ZC3H14: variants seen among roughly 807,000 people sequenced by gnomAD.
The protein encoded by ZC3H14 is zinc finger CCCH-type containing 14.
Under a neutral mutation model 92.4 loss-of-function variants are expected in ZC3H14, and 31 were observed. The observed-to-expected ratio is 0.34, with a 90% CI of 0.25 to 0.45. The LOEUF is 0.45. Among genes scored for constraint, ZC3H14 ranks in the 20% least tolerant of loss-of-function variants. ZC3H14 has a pLI of 1.00. For synonymous variants in ZC3H14, 321 were observed against 300.9 expected (o/e 1.07, Z -0.69); for missense variants, 781 against 897.3 (o/e 0.87, Z 1.66).
chr14:88,588,021 C>CTA lies in ZC3H14; in HGVS notation c.1280-8712_1280-8711dup, dbSNP rs141307218. ...TTGTACAGTTTTGTGTGGGAACTCT[C>CTA]TAGAGTTTTTTTAATTTTTCCCCCT... On this transcript the variant is annotated intron_variant, in intron 9 of 16. Transcript: ENST00000251038. Among the ~76,000 whole-genome samples the CTA allele has an allele frequency of 1.2e-3, 189 of 152,238 alleles. 1 individual carries two copies. The highest frequency in any genetic ancestry group is 3.9e-3 in the African/African-American group (160 of 41,550).
chr14:88,595,156 T>C (rs1425254637), intron 9 of ZC3H14: 1 of 1,597,756 alleles, frequency 6.3e-7, no homozygotes, highest in Non-Finnish European at 8.5e-7. Flanking sequence ...CATCCTTTGA[T>C]CTGTATCTTT....
chr14:88,563,292 G>C lies in ZC3H14; in HGVS notation c.36+123G>C, dbSNP rs1051183199. Reference sequence around the variant, plus strand: ...CTGGCCTCCGCTGGACGCTCCTGGCGGGCTGCGGCTCCTCCTCGTCCAGGC... The same window carrying C: ...CTGGCCTCCGCTGGACGCTCCTGGCCGGCTGCGGCTCCTCCTCGTCCAGGC... On this transcript the variant is annotated intron_variant, in intron 1 of 16. Coordinates refer to ENST00000251038, the MANE Select transcript of ZC3H14 (RefSeq NM_024824.5). 16 of 1,531,616 alleles carry C rather than the reference G, an allele frequency of 1.0e-5. No individual in the cohort carries two copies. In the Admixed American group the frequency reaches 1.6e-4, roughly 15 times the overall value. The allele number at this position is 1,531,616 out of a possible 1,614,324, so 94.9% of individuals were successfully genotyped here.
Position 88,615,751 on chromosome 14 carries a change from G to A in ZC3H14, c.*4000G>A. 1 of 1,499,802 alleles carries A rather than the reference G, an allele frequency of 6.7e-7. No homozygotes were observed. Among genetic ancestry groups the A allele is most frequent in the Non-Finnish European group, 9.1e-7 (1 of 1,095,908 alleles). 92.9% of individuals were successfully genotyped at this position (1,499,802 alleles called of 1,614,324 possible). ...TAGCACCACTTGACCATGCAGGGTTGGGTTTTGGTTTTTCTTCTCTGTAAT... is the reference window on the plus strand; with the variant it reads ...TAGCACCACTTGACCATGCAGGGTTAGGTTTTGGTTTTTCTTCTCTGTAAT... On this transcript the variant is annotated 3_prime_UTR_variant, in exon 17 of 17. Transcript: ENST00000251038.
chr14:88,621,233 A>G lies in ZC3H14; in HGVS notation c.*9482A>G. The G allele has an allele frequency of 6.2e-7, 1 of 1,613,958 alleles. No homozygotes were observed. The highest frequency in any genetic ancestry group is 8.5e-7 in the Non-Finnish European group (1 of 1,179,878). On this transcript the variant is annotated 3_prime_UTR_variant, in exon 17 of 17. Coordinates refer to ENST00000251038, the MANE Select transcript of ZC3H14 (RefSeq NM_024824.5). ...CATCCACATGACCGTTAACTAAAAT[A>G]TTACAAGCTGCATTTTTCTCTCCAA... is the stretch of plus-strand genomic sequence containing the variant.
At chr14:88,583,549 G>T (rs1198643059) in intron 9 of ZC3H14, among the ~76,000 whole-genome samples, 1 of 152,068 alleles carries the variant, frequency 6.6e-6, no homozygotes, top group African/African-American at 2.4e-5. Flanking sequence ...TTATCAGAGT[G>T]TCTTTAATTT....
rs2089938812 is a variant in ZC3H14, at chr14:88,626,329, GT to G, written c.*14580del. 6.5e-6 allele frequency: 1 copy of G among 153,964 alleles called. No individual in the cohort carries two copies. The highest frequency in any genetic ancestry group is 1.4e-5 in the Non-Finnish European group (1 of 69,118). The allele number at this position is 153,964 out of a possible 1,614,324, so 9.5% of individuals were successfully genotyped here. Reference sequence around the variant, plus strand: ...ATAACAGTAGTCCAAGGAATCAAATGTTCATCAGAATCCTTATTATGGTGGC... The same window carrying G: ...ATAACAGTAGTCCAAGGAATCAAATGTCATCAGAATCCTTATTATGGTGGC... On this transcript the variant is annotated 3_prime_UTR_variant, in exon 17 of 17. Transcript: ENST00000251038.
At chr14:88,566,115 G>C (rs190029391) in intron 2 of ZC3H14, among the ~76,000 whole-genome samples, 2 of 144,838 alleles carry the variant, frequency 1.4e-5, no homozygotes, top group East Asian at 4.1e-4. Flanking sequence ...CCTGACCTTA[G>C]GTGATCCACT....
At position 88,618,923 on chromosome 14, in the gene ZC3H14, A is replaced by C. The variant is rs980738890; in HGVS notation, c.*7172A>C. Reference sequence around the variant, plus strand: ...TAAAAGTAACGTGTGATAAGGCCTCAAATAGATTTACCTGTCAGACACAAC... The same window carrying C: ...TAAAAGTAACGTGTGATAAGGCCTCCAATAGATTTACCTGTCAGACACAAC... On this transcript the variant is annotated 3_prime_UTR_variant, in exon 17 of 17. Transcript: ENST00000251038. 2.1e-5 allele frequency: 22 copies of C among 1,065,616 alleles called. No individual in the cohort carries two copies. The highest frequency in any genetic ancestry group is 2.6e-5 in the Non-Finnish European group (20 of 762,372). 66.0% of individuals were successfully genotyped at this position (1,065,616 alleles called of 1,614,324 possible).
rs2089400966 is a variant in ZC3H14, at chr14:88,623,374, G to T, written c.*11623G>T. 6.6e-6 allele frequency: 1 copy of T among 151,988 alleles called. No homozygotes were observed. Among genetic ancestry groups the T allele is most frequent in the African/African-American group, 2.4e-5 (1 of 41,380 alleles). The allele number at this position is 151,988 out of a possible 1,614,324, so 9.4% of individuals were successfully genotyped here. On this transcript the variant is annotated 3_prime_UTR_variant, in exon 17 of 17. Coordinates refer to ENST00000251038, the MANE Select transcript of ZC3H14 (RefSeq NM_024824.5). ...AAACAATTTTATTAAAAGGATAATGGAAATGTAAGGCAAAATAATAGAATT... is the reference window on the plus strand; with the variant it reads ...AAACAATTTTATTAAAAGGATAATGTAAATGTAAGGCAAAATAATAGAATT...
chr14:88,616,903 A>G lies in ZC3H14; in HGVS notation c.*5152A>G. ...TACTAGAGGGAAGGAACAAAAGAAA[A>G]CTCATCATGGCAAGTGCGGGCAGGT... On this transcript the variant is annotated 3_prime_UTR_variant, in exon 17 of 17. Coordinates refer to ENST00000251038, the MANE Select transcript of ZC3H14 (RefSeq NM_024824.5). 3.1e-6 allele frequency: 5 copies of G among 1,609,308 alleles called. No homozygotes were observed. The highest frequency in any genetic ancestry group is 4.2e-6 in the Non-Finnish European group (5 of 1,177,480).
In ZC3H14 at chr14:88,619,674, T is replaced by C. The variant is rs1181455639; in HGVS notation, c.*7923T>C. On this transcript the variant is annotated 3_prime_UTR_variant, in exon 17 of 17. Coordinates refer to ENST00000251038, the MANE Select transcript of ZC3H14 (RefSeq NM_024824.5). ...AAGGTGAAATGACACAACTTGAATCTTGGAAGAAGAATTTTTTTTTTTTGA... is the reference window on the plus strand; with the variant it reads ...AAGGTGAAATGACACAACTTGAATCCTGGAAGAAGAATTTTTTTTTTTTGA... 1 of 148,720 alleles carries C rather than the reference T, an allele frequency of 6.7e-6. No individual in the cohort carries two copies. Among genetic ancestry groups the C allele is most frequent in the Admixed American group, 6.9e-5 (1 of 14,468 alleles). 9.2% of individuals were successfully genotyped at this position (148,720 alleles called of 1,614,324 possible).
rs1208749369 is a variant in ZC3H14 at position 88,621,092 on chromosome 14, A to T, written c.*9341A>T. On this transcript the variant is annotated 3_prime_UTR_variant, in exon 17 of 17. Coordinates refer to ENST00000251038, the MANE Select transcript of ZC3H14 (RefSeq NM_024824.5). ...CTTTTTAGAAGTTGTAACCTCTTTT[A>T]AAAAAATTATCTGTACTTACTTTAT... 31 of 1,598,578 alleles carry T rather than the reference A, an allele frequency of 1.9e-5. No homozygotes were observed. The East Asian group carries it at 3.1e-4, about 16-fold the overall frequency.
intron 9 of ZC3H14, among the ~76,000 whole-genome samples, chr14:88,584,434 C>G (rs2082253447): frequency 6.6e-6 from 1 of 152,184 alleles, no homozygotes; most frequent in African/African-American, 2.4e-5. Context: ...ACATACACAT[C>G]TATTATGAAG....
Position 88,615,830 on chromosome 14 carries a change from A to C in ZC3H14, c.*4079A>C. On this transcript the variant is annotated 3_prime_UTR_variant, in exon 17 of 17. Transcript: ENST00000251038. ...ATCTCAGCATCTCTCAGTGAGGTGT[A>C]TGTACACATTTCCAGACAAATAAGC... 1 of 1,612,094 alleles carries C rather than the reference A, an allele frequency of 6.2e-7. No homozygotes were observed. Among genetic ancestry groups the C allele is most frequent in the Non-Finnish European group, 8.5e-7 (1 of 1,179,118 alleles).
intron 9 of ZC3H14, among the ~76,000 whole-genome samples, chr14:88,578,781 G>GTTGTTT (rs2081502583): frequency 1.3e-5 from 1 of 76,818 alleles, no homozygotes; most frequent in African/African-American, 5.4e-5. Context: ...TTGCTTCCAG[G>GTTGTTT]TTTTTTTTTT....
intron 9 of ZC3H14, chr14:88,591,099 T>C (rs1433526991): frequency 6.6e-6 from 1 of 152,166 alleles, no homozygotes; most frequent in Non-Finnish European, 1.5e-5. Flanking sequence ...ATATATGTAT[T>C]TTACTTACGT....
At chr14:88,599,991 C>T (rs2084379563) in intron 10 of ZC3H14, among the ~76,000 whole-genome samples, 1 of 152,232 alleles carries the variant, frequency 6.6e-6, no homozygotes, top group African/African-American at 2.4e-5. Flanking sequence ...TTAAACACTT[C>T]TGTCACCTTC....
In ZC3H14 at chr14:88,577,937, A is replaced by G. The variant is rs1220170909; in HGVS notation, c.1124-48A>G. The G allele has an allele frequency of 7.5e-6, 12 of 1,609,408 alleles. No individual in the cohort carries two copies. In the Admixed American group the frequency reaches 1.7e-4, roughly 22 times the overall value. Reference sequence around the variant, plus strand: ...ATGACATAGTCACTGTGGAGTTTTGACGTATTACTGCATTTGTATTTCTAT... The same window carrying G: ...ATGACATAGTCACTGTGGAGTTTTGGCGTATTACTGCATTTGTATTTCTAT... On this transcript the variant is annotated intron_variant, in intron 8 of 16. Transcript: ENST00000251038.
chr14:88,627,279 G>A lies in ZC3H14; in HGVS notation c.*15528G>A, dbSNP rs955731506. On this transcript the variant is annotated 3_prime_UTR_variant, in exon 17 of 17. Coordinates refer to ENST00000251038, the MANE Select transcript of ZC3H14 (RefSeq NM_024824.5). Reference sequence around the variant, plus strand: ...ATATAACGTAAATGTTTTGTCTAAAGTGTGGTAGGTAATATTATCCTGCTG... The same window carrying A: ...ATATAACGTAAATGTTTTGTCTAAAATGTGGTAGGTAATATTATCCTGCTG... 7.3e-6 allele frequency: 4 copies of A among 549,844 alleles called. No homozygotes were observed. Among genetic ancestry groups the A allele is most frequent in the South Asian group, 2.4e-5 (1 of 41,504 alleles). 34.1% of individuals were successfully genotyped at this position (549,844 alleles called of 1,614,324 possible).
Sources: gnomAD v4.1 joint callset for allele counts (sites outside exome capture counted in the v4.1 genomes callset) on GRCh38, gnomAD v4.1.1 for gene constraint, MANE v1.5 for transcripts, NCBI Gene and HGNC (gene_info 2026-07-23, HGNC 2026-07-21) for gene names.